The following NAA11 variants were observed in gnomAD, a reference collection of about 807,000 sequenced individuals.
NAA11 encodes N-alpha-acetyltransferase 11, NatA catalytic subunit.
A neutral mutation model predicts 16.1 loss-of-function variants in NAA11; 15 were observed. The ratio of observed to expected loss-of-function variants is 0.93; its 90% CI spans 0.62 to 1.44. The LOEUF is 1.44. Among genes scored for constraint, NAA11 ranks in the 40% most tolerant of loss-of-function variants. NAA11 has a pLI of 0.00. For missense variants in NAA11, 298 were observed against 291.3 expected (o/e 1.02, Z -0.17); for synonymous variants, 122 against 112.4 (o/e 1.09, Z -0.54).
the NAA11 span, among the ~76,000 whole-genome samples, chr4:79,159,018 T>C: frequency 3.9e-5 from 6 of 152,098 alleles, no homozygotes; most frequent in Admixed American, 2.0e-4. Context: ...CTTCTAGACA[T>C]TGGCTTAGGC....
chr4:79,182,023 C>T, the NAA11 span, among the ~76,000 whole-genome samples: 2 of 152,112 alleles, frequency 1.3e-5, no homozygotes, highest in Non-Finnish European at 2.9e-5. Context: ...AGATAATATT[C>T]CAATTTTAGG....
chr4:79,245,914 C>G (rs1185747182), intron 2 of NAA11, among the ~76,000 whole-genome samples: 1 of 152,192 alleles, frequency 6.6e-6, no homozygotes, highest in Non-Finnish European at 1.5e-5. Context: ...GCCATGATGA[C>G]GATGGCGGTT....
the NAA11 span, among the ~76,000 whole-genome samples, chr4:79,218,343 GT>G: frequency 2.3e-4 from 33 of 144,074 alleles, 1 homozygote; most frequent in South Asian, 8.9e-4. Flanking sequence ...AAATAAGTTA[GT>G]TTTTTTTTTT....
intron 2 of NAA11, among the ~76,000 whole-genome samples, chr4:79,289,161 C>T (rs1246007607): frequency 2.6e-5 from 4 of 152,170 alleles, no homozygotes; most frequent in Admixed American, 6.5e-5. Context: ...CAGACATTGC[C>T]AAGTTGTCCT....
intron 2 of NAA11, among the ~76,000 whole-genome samples, chr4:79,226,473 C>T (rs1233633424): frequency 1.3e-5 from 2 of 151,982 alleles, no homozygotes; most frequent in Non-Finnish European, 2.9e-5. Context: ...TACATGTGCA[C>T]AACGTGCAGG....
intron 1 of NAA11, among the ~76,000 whole-genome samples, chr4:79,303,072 CCTTTTATATATATATATATATA>C (rs1241447328): frequency 0.017 from 1,527 of 89,076 alleles, 59 homozygotes; most frequent in African/African-American, 0.059. Context: ...TCTCTTGAGG[CCTTTTATATATATATATATATA>C]TATATATATA....
At chr4:79,182,091 A>G in the NAA11 span, among the ~76,000 whole-genome samples, 5,232 of 152,266 alleles carry the variant, frequency 0.034, 298 homozygotes, top group African/African-American at 0.12. Context: ...AGTAATAACT[A>G]TTAGGGCAGG....
the NAA11 span, among the ~76,000 whole-genome samples, chr4:79,164,912 A>G: frequency 6.6e-6 from 1 of 152,228 alleles, no homozygotes; most frequent in Admixed American, 6.5e-5. Flanking sequence ...TAGCTGGGGA[A>G]CAACTGCCTA....
rs529712269 is a variant in NAA11 at position 79,325,333 on chromosome 4, C to T, written c.545G>A (p.Gly182Asp). 148 of 1,613,984 alleles carry T rather than the reference C, an allele frequency of 9.2e-5. No homozygotes were observed. The South Asian group carries it at 1.6e-3, about 17-fold the overall frequency. The change falls in exon 1 of 2, where the codon GGC (glycine) becomes GAC (aspartate). Residue 182 changes from glycine (G) to aspartate (D), a missense_variant. Coordinates refer to ENST00000286794, the MANE Select transcript of NAA11 (RefSeq NM_032693.3). The part of the protein sequence containing the change: ...LGSRENQETQ[G>D]STLSDSEEAC... ...CTCTTCAGAATCAGAAAGTGTGCTG[C>T]CCTGGGTCTCCTGGTTCTCCCTGGA...
At chr4:79,175,331 A>G in the NAA11 span, among the ~76,000 whole-genome samples, 1 of 152,108 alleles carries the variant, frequency 6.6e-6, no homozygotes, top group Non-Finnish European at 1.5e-5. Flanking sequence ...TATTAAGAGA[A>G]ATTTTCAAGT....
the NAA11 span, among the ~76,000 whole-genome samples, chr4:79,219,160 A>G: frequency 6.6e-6 from 1 of 152,108 alleles, no homozygotes; most frequent in East Asian, 1.9e-4. Flanking sequence ...ACTGTTTTGG[A>G]AGTGTTTTTT....
chr4:79,272,036 A>T (rs1722506367), intron 2 of NAA11, among the ~76,000 whole-genome samples: 1 of 151,950 alleles, frequency 6.6e-6, no homozygotes, highest in South Asian at 2.1e-4. Flanking sequence ...ACATATAGAG[A>T]TATATACACA....
At chr4:79,203,226 CA>C in the NAA11 span, among the ~76,000 whole-genome samples, 1 of 151,594 alleles carries the variant, frequency 6.6e-6, no homozygotes, top group Non-Finnish European at 1.5e-5. Context: ...TATCTTTGAT[CA>C]AATAATGAAA....
chr4:79,161,961 G>A, the NAA11 span, among the ~76,000 whole-genome samples: 4 of 152,310 alleles, frequency 2.6e-5, no homozygotes, highest in East Asian at 1.9e-4. Context: ...GATTAGAGGC[G>A]TGAGCCACCA....
chr4:79,209,840 G>A, the NAA11 span, among the ~76,000 whole-genome samples: 10 of 152,088 alleles, frequency 6.6e-5, no homozygotes, highest in South Asian at 2.1e-3. Context: ...GAGGCCAGGA[G>A]TTGGAGACAA....
At chr4:79,227,754 C>G (rs1311729666) in intron 2 of NAA11, 1 of 151,882 alleles carries the variant, frequency 6.6e-6, no homozygotes, top group Non-Finnish European at 1.5e-5. Flanking sequence ...AATAATGCAG[C>G]CTATGTTTTC....
At chr4:79,256,927 C>T (rs1722126705) in intron 2 of NAA11, among the ~76,000 whole-genome samples, 2 of 151,914 alleles carry the variant, frequency 1.3e-5, no homozygotes, top group South Asian at 4.2e-4. Flanking sequence ...ACATGAGCCA[C>T]CATGCCCGGC....
intron 2 of NAA11, among the ~76,000 whole-genome samples, chr4:79,234,485 G>A (rs543920290): frequency 6.6e-6 from 1 of 152,248 alleles, no homozygotes; most frequent in Admixed American, 6.5e-5. Flanking sequence ...CAGGTACTTT[G>A]CAGACAGTAT....
chr4:79,212,977 C>G, the NAA11 span, among the ~76,000 whole-genome samples: 4 of 152,072 alleles, frequency 2.6e-5, no homozygotes. Flanking sequence ...CTCCTTGGAA[C>G]AGTGATCATA....
Sources: gnomAD v4.1 joint callset for allele counts (sites outside exome capture counted in the v4.1 genomes callset) on GRCh38, gnomAD v4.1.1 for gene constraint, MANE v1.5 for transcripts, NCBI Gene and HGNC (gene_info 2026-07-23, HGNC 2026-07-21) for gene names.